The following GRID2 variants were observed in gnomAD, a reference collection of about 807,000 sequenced individuals.
GRID2 encodes glutamate ionotropic receptor delta type subunit 2.
Under a neutral mutation model 114.8 loss-of-function variants are expected in GRID2, and 33 were observed. That is an observed-to-expected ratio of 0.29 (90% CI 0.22 to 0.38). The LOEUF (loss-of-function observed/expected upper bound fraction) is 0.38. Ranked by LOEUF, GRID2 falls within the 10% of genes least tolerant of loss-of-function variation. The pLI is 1.00. For synonymous variants in GRID2, 505 were observed against 449.9 expected (o/e 1.12, Z -1.55); for missense variants, 1,184 against 1,257.7 (o/e 0.94, Z 0.89).
At chr4:93,615,010 T>C (rs1056558770) in intron 13 of GRID2, among the ~76,000 whole-genome samples, 2 of 152,196 alleles carry the variant, frequency 1.3e-5, no homozygotes, top group Non-Finnish European at 2.9e-5. Context: ...TAGTCAAACA[T>C]AAAATGCACT....
chr4:92,809,234 GA>G (rs1740554993), intron 2 of GRID2, among the ~76,000 whole-genome samples: 1 of 151,878 alleles, frequency 6.6e-6, no homozygotes, highest in Non-Finnish European at 1.5e-5. Context: ...CTAAAACTTT[GA>G]GCCACTTTGC....
chr4:93,355,443 T>C (rs568317958), intron 8 of GRID2, among the ~76,000 whole-genome samples: 1 of 152,106 alleles, frequency 6.6e-6, no homozygotes, highest in South Asian at 2.1e-4. Context: ...TTTACGTGGA[T>C]TGGGTTTCTC....
intron 2 of GRID2, among the ~76,000 whole-genome samples, chr4:93,078,676 G>A (rs944906645): frequency 1.4e-5 from 2 of 144,450 alleles, no homozygotes; most frequent in Non-Finnish European, 3.0e-5. Flanking sequence ...TGTATATTTA[G>A]TAAATATACT....
chr4:93,189,457 C>T (rs910382905), intron 4 of GRID2, among the ~76,000 whole-genome samples: 4 of 152,044 alleles, frequency 2.6e-5, no homozygotes, highest in African/African-American at 9.7e-5. Context: ...CTAATCACTT[C>T]CCAAAGGGCC....
At chr4:92,494,967 A>G (rs1215425887) in intron 1 of GRID2, among the ~76,000 whole-genome samples, 2 of 152,038 alleles carry the variant, frequency 1.3e-5, no homozygotes, top group Non-Finnish European at 1.5e-5. Context: ...TATTGGGATG[A>G]AGCACAATTA....
chr4:92,560,954 C>T (rs550891540), intron 1 of GRID2, among the ~76,000 whole-genome samples: 6 of 152,156 alleles, frequency 3.9e-5, no homozygotes, highest in East Asian at 1.9e-4. Context: ...GTGATCCACC[C>T]GCCTCAGCCT....
intron 1 of GRID2, among the ~76,000 whole-genome samples, chr4:92,530,913 G>C (rs537454393): frequency 7.9e-4 from 120 of 151,592 alleles, no homozygotes; most frequent in African/African-American, 2.6e-3. Flanking sequence ...TCTTGGCGGG[G>C]GGGGAGAAAG....
chr4:93,559,006 G>A (rs1734610991), intron 13 of GRID2, among the ~76,000 whole-genome samples: 1 of 152,102 alleles, frequency 6.6e-6, no homozygotes. Context: ...CTCAATAGAT[G>A]CAGAAAAGGC....
chr4:92,365,281 G>A (rs536076036), intron 1 of GRID2, among the ~76,000 whole-genome samples: 23 of 152,148 alleles, frequency 1.5e-4, no homozygotes, highest in African/African-American at 5.5e-4. Context: ...CATATACATA[G>A]TGAAATATCA....
intron 4 of GRID2, among the ~76,000 whole-genome samples, chr4:93,173,626 T>C (rs1739062248): frequency 6.6e-6 from 1 of 152,108 alleles, no homozygotes; most frequent in Non-Finnish European, 1.5e-5. Flanking sequence ...TTGTCCTTGT[T>C]AGTTCTATTG....
At chr4:93,023,133 G>GTA (rs997047215) in intron 2 of GRID2, among the ~76,000 whole-genome samples, 24 of 148,920 alleles carry the variant, frequency 1.6e-4, no homozygotes, top group South Asian at 1.1e-3. Flanking sequence ...GTGTATGTAT[G>GTA]TGTGTGTGTG....
chr4:92,584,350 G>A (rs1057025805), intron 1 of GRID2, among the ~76,000 whole-genome samples: 2 of 151,850 alleles, frequency 1.3e-5, no homozygotes, highest in Non-Finnish European at 2.9e-5. Flanking sequence ...TGCAACTAAC[G>A]TGTATGCAAA....
At chr4:92,795,481 C>A (rs137914929) in intron 2 of GRID2, among the ~76,000 whole-genome samples, 4 of 152,020 alleles carry the variant, frequency 2.6e-5, no homozygotes, top group Middle Eastern at 6.8e-3. Flanking sequence ...CCCAGTCTCA[C>A]GTATGTCTTT....
chr4:92,773,948 A>T (rs1043076864), intron 2 of GRID2, among the ~76,000 whole-genome samples: 3 of 152,168 alleles, frequency 2.0e-5, no homozygotes, highest in Non-Finnish European at 4.4e-5. Flanking sequence ...ATATGCTTTT[A>T]AGTGCAAAAG....
At chr4:93,453,215 C>T (rs1722863709) in intron 10 of GRID2, among the ~76,000 whole-genome samples, 1 of 151,442 alleles carries the variant, frequency 6.6e-6, no homozygotes, top group Admixed American at 6.6e-5. Flanking sequence ...TAAGGACTAC[C>T]ACATACTCAT....
intron 11 of GRID2, among the ~76,000 whole-genome samples, chr4:93,476,669 A>G (rs564601568): frequency 6.6e-6 from 1 of 152,258 alleles, no homozygotes; most frequent in Non-Finnish European, 1.5e-5. Flanking sequence ...CGTGAATACA[A>G]AAGCTGAAGA....
At chr4:92,828,205 T>C (rs906529808) in intron 2 of GRID2, among the ~76,000 whole-genome samples, 1 of 152,104 alleles carries the variant, frequency 6.6e-6, no homozygotes, top group African/African-American at 2.4e-5. Flanking sequence ...ATACTGATTT[T>C]AGTTCCCAGG....
intron 2 of GRID2, among the ~76,000 whole-genome samples, chr4:92,860,549 TC>T (rs1744461559): frequency 6.6e-6 from 1 of 152,076 alleles, no homozygotes; most frequent in African/African-American, 2.4e-5. Flanking sequence ...ACCTGGGAGA[TC>T]AGCTATAAAC....
chr4:92,517,279 A>AT (rs558321129), intron 1 of GRID2, among the ~76,000 whole-genome samples: 1 of 151,708 alleles, frequency 6.6e-6, no homozygotes, highest in East Asian at 2.0e-4. Flanking sequence ...AGTTCCTCCC[A>AT]TTTTTTTAGT....
Sources: allele counts gnomAD v4.1 joint callset (sites outside exome capture counted in the v4.1 genomes callset), GRCh38; gene constraint gnomAD v4.1.1; transcripts MANE v1.5; gene names NCBI Gene and HGNC (gene_info 2026-07-23, HGNC 2026-07-21).